The following ADAMTS13 variants were observed in gnomAD, a reference collection of about 807,000 sequenced individuals.
ADAMTS13 encodes ADAM metallopeptidase with thrombospondin type 1 motif 13, also known as A disintegrin and metalloproteinase with thrombospondin motifs 13.
A neutral mutation model predicts 155.1 loss-of-function variants in ADAMTS13; 110 were observed. That is an observed-to-expected ratio of 0.71 (90% CI 0.61 to 0.83). The LOEUF is 0.83. ADAMTS13 is among the 40% of genes least tolerant of loss of function. ADAMTS13 has a pLI of 0.00. For missense variants in ADAMTS13, 1,707 were observed against 1,891.7 expected (o/e 0.90, Z 1.81); for synonymous variants, 758 against 756.4 (o/e 1.00, Z -0.03).
Position 133,459,377 on chromosome 9 carries a change from T to C in ADAMTS13, c.*197T>C, listed in dbSNP as rs1554797324. 1 of 701,182 alleles carries C rather than the reference T, an allele frequency of 1.4e-6. No individual in the cohort carries two copies. Among genetic ancestry groups the C allele is most frequent in the South Asian group, 1.5e-5 (1 of 66,774 alleles). The allele number at this position is 701,182 out of a possible 1,614,324, so 43.4% of individuals were successfully genotyped here. A position where few individuals can be genotyped will look rare whatever the true frequency, so the allele number is the denominator to read the frequency against. ...TCCTCGGGTACCAATAAATAAAACA[T>C]GCAGGCTGACCGGCGTTTTTTTCTT... On this transcript the variant is annotated 3_prime_UTR_variant, in exon 29 of 29. Coordinates refer to ENST00000355699, the MANE Select transcript of ADAMTS13 (RefSeq NM_139027.6).
In ADAMTS13 at chr9:133,458,075, C is replaced by G. The variant is rs1194784395; in HGVS notation, c.3890C>G (p.Ala1297Gly). The G allele has an allele frequency of 6.2e-7, 1 of 1,613,204 alleles. No individual in the cohort carries two copies. Among genetic ancestry groups the G allele is most frequent in the East Asian group, 2.2e-5 (1 of 44,894 alleles). Reference sequence around the variant, plus strand: ...AACATGGGCGCTGGGACCGAGGGAGCCAATGCCAGCTACATCTTGGTGAGG... The same window carrying G: ...AACATGGGCGCTGGGACCGAGGGAGGCAATGCCAGCTACATCTTGGTGAGG... ...ATNMGAGTEG[A>G]NASYILIRDT... is the part of the protein sequence containing the mutation. Residue 1297 changes from alanine (A) to glycine (G), a missense_variant, in exon 28 of 29, where the codon GCC becomes GGC. Coordinates refer to ENST00000355699, the MANE Select transcript of ADAMTS13 (RefSeq NM_139027.6).
At position 133,442,725 on chromosome 9, in the gene ADAMTS13, T is replaced by C. The variant is rs587610691; in HGVS notation, c.2216T>C (p.Leu739Pro). The change falls in exon 18 of 29, where the codon CTC (leucine) becomes CCC (proline). Residue 739 changes from leucine (L) to proline (P), a missense_variant. Around this residue, in one of 3 missense-constraint regions of ADAMTS13, gnomAD observed 961 missense variants for 1,107.9 expected, o/e 0.87. Coordinates refer to ENST00000355699, the MANE Select transcript of ADAMTS13 (RefSeq NM_139027.6). ...CCAGCGTGGCCAGAGGCCTGCGTGC[T>C]CGAACCCTGCCCTCCCTAGTGAGTG... ...QPPAWPEACV[L>P]EPCPPYWAVG... The C allele has an allele frequency of 6.2e-7, 1 of 1,612,854 alleles. No individual in the cohort carries two copies. Among genetic ancestry groups the C allele is most frequent in the Admixed American group, 1.7e-5 (1 of 60,028 alleles).
In ADAMTS13 at chr9:133,441,968, A is replaced by G. The variant is rs603551; in HGVS notation, c.1969-431A>G. 0.099 allele frequency among the ~76,000 whole-genome samples: 15,060 copies of G among 152,048 alleles called. 809 individuals carry two copies. The highest frequency in any genetic ancestry group is 0.14 in the African/African-American group (5,883 of 41,466). ...CTCTGTGCTGCCCAAATACCCTATCATGTAACCCACCAATGACTTGGTAAT... is the reference window on the plus strand; with the variant it reads ...CTCTGTGCTGCCCAAATACCCTATCGTGTAACCCACCAATGACTTGGTAAT... On this transcript the variant is annotated intron_variant, in intron 16 of 28. Coordinates refer to ENST00000355699, the MANE Select transcript of ADAMTS13 (RefSeq NM_139027.6). The surrounding 1 kb of genome is among the most constrained non-coding windows in gnomAD (Gnocchi z 5.0).
At position 133,440,594 on chromosome 9, in the gene ADAMTS13, GTCTA is replaced by G; in HGVS notation, c.1968+72_1968+75del. The G allele has an allele frequency of 1.4e-6, 2 of 1,468,794 alleles. No homozygotes were observed. The highest frequency in any genetic ancestry group is 1.8e-6 in the Non-Finnish European group (2 of 1,097,900). The allele number at this position is 1,468,794 out of a possible 1,614,324, so 91.0% of individuals were successfully genotyped here. ...GGGGGCTATGGCTGCTTGCTCGTTT[GTCTA>G]TCCATCCATTCCCTGATTCGTTCAT... On this transcript the variant is annotated intron_variant, in intron 16 of 28. Coordinates refer to ENST00000355699, the MANE Select transcript of ADAMTS13 (RefSeq NM_139027.6). The surrounding 1 kb of genome is among the most constrained non-coding windows in gnomAD (Gnocchi z 4.3).
In ADAMTS13 at chr9:133,433,446, G is replaced by T; in HGVS notation, c.1161G>T (p.Trp387Cys). The T allele has an allele frequency of 6.2e-7, 1 of 1,613,500 alleles. No individual in the cohort carries two copies. Among genetic ancestry groups the T allele is most frequent in the African/African-American group, 1.3e-5 (1 of 75,002 alleles). The change falls in exon 10 of 29, where the codon TGG becomes TGT. Residue 387 changes from tryptophan to cysteine, a missense_variant. Physicochemically the swap from Trp to Cys is radical, Grantham distance 215 (BLOSUM62 -2). This residue lies in a region of ADAMTS13 where 733 missense variants were observed against 749.6 expected (regional missense o/e 0.98). Coordinates refer to ENST00000355699, the MANE Select transcript of ADAMTS13 (RefSeq NM_139027.6). The stretch of plus-strand genomic sequence containing the variant: ...CCATAGCAGCAGTGCATGGGCGCTG[G>T]TCTAGCTGGGGTCCCCGAAGTCCTT... ...LTPIAAVHGR[W>C]SSWGPRSPCS... is the part of the protein sequence containing the mutation.
rs1842941791 is a variant in ADAMTS13, at chr9:133,459,158, G to A, written c.4094G>A (p.Trp1365Ter). The A allele has an allele frequency of 6.2e-7, 1 of 1,611,096 alleles. No homozygotes were observed. The highest frequency in any genetic ancestry group is 8.5e-7 in the Non-Finnish European group (1 of 1,179,052). The change falls in exon 29 of 29, where the codon TGG becomes TAG. Residue 1365 changes from tryptophan to a stop codon, truncating the protein, a stop_gained. Transcript: ENST00000355699. LOFTEE classifies it high-confidence loss of function. Reference protein sequence around the residue: ...WVPEMQDPQSWKGKEGT With the variant: ...WVPEMQDPQS ...CCGGAGATGCAGGACCCTCAGTCCTGGAAGGGAAAGGAAGGAACCTGAGGG... is the reference window on the plus strand; with the variant it reads ...CCGGAGATGCAGGACCCTCAGTCCTAGAAGGGAAAGGAAGGAACCTGAGGG...
In ADAMTS13 at chr9:133,425,432, C is replaced by T; in HGVS notation, c.331-97C>T. The stretch of plus-strand genomic sequence containing the variant: ...ACACATGCTGGTGGAGTAGCCTCTC[C>T]AGCTCTTCACACTCCGGGGGCCCCT... On this transcript the variant is annotated intron_variant, in intron 3 of 28. Transcript: ENST00000355699. The surrounding 1 kb of genome is among the most constrained non-coding windows in gnomAD (Gnocchi z 4.6). 1 of 1,055,452 alleles carries T rather than the reference C, an allele frequency of 9.5e-7. No homozygotes were observed. Among genetic ancestry groups the T allele is most frequent in the Non-Finnish European group, 1.4e-6 (1 of 709,220 alleles). 65.4% of individuals were successfully genotyped at this position (1,055,452 alleles called of 1,614,324 possible).
In ADAMTS13 at chr9:133,436,820, C is replaced by G; in HGVS notation, c.1309-9C>G. 1 of 1,392,026 alleles carries G rather than the reference C, an allele frequency of 7.2e-7. No homozygotes were observed. The highest frequency in any genetic ancestry group is 9.6e-7 in the Non-Finnish European group (1 of 1,042,424). 86.2% of individuals were successfully genotyped at this position (1,392,026 alleles called of 1,614,324 possible). A position where few individuals can be genotyped will look rare whatever the true frequency, so the allele number is the denominator to read the frequency against. ...CCGCCATCCCCCTCCTCTGCCTCCTCCTGGCCAGGCCTGCGAGAAGACCCA... is the reference window on the plus strand; with the variant it reads ...CCGCCATCCCCCTCCTCTGCCTCCTGCTGGCCAGGCCTGCGAGAAGACCCA... On this transcript the variant is annotated splice_polypyrimidine_tract_variant and intron_variant, in intron 11 of 28. Transcript: ENST00000355699.
At chr9:133,443,825 G>A (rs962897736) in intron 19 of ADAMTS13, among the ~76,000 whole-genome samples, 6 of 150,572 alleles carry the variant, frequency 4.0e-5, no homozygotes, top group Non-Finnish European at 8.8e-5. Context: ...GCCTGGGGAG[G>A]GGGGGCTTCG....
Position 133,456,435 on chromosome 9 carries a change from C to T in ADAMTS13, c.3548-108C>T, listed in dbSNP as rs1842746483. The stretch of plus-strand genomic sequence containing the variant: ...GCCCAGTTACTTAGAGTCACATAGC[C>T]AGCAGTGGGAGAGGTGGGACTTGAA... On this transcript the variant is annotated intron_variant, in intron 26 of 28. Transcript: ENST00000355699. The surrounding 1 kb of genome is among the most constrained non-coding windows in gnomAD (Gnocchi z 4.4). 18 of 1,448,780 alleles carry T rather than the reference C, an allele frequency of 1.2e-5. No individual in the cohort carries two copies. The highest frequency in any genetic ancestry group is 1.7e-5 in the Non-Finnish European group (18 of 1,058,620). 89.7% of individuals were successfully genotyped at this position (1,448,780 alleles called of 1,614,324 possible).
chr9:133,432,611 CCA>C lies in ADAMTS13; in HGVS notation c.1016_1017del (p.Thr339ArgfsTer50), dbSNP rs1248475745. 3 of 1,555,146 alleles carry C rather than the reference CCA, an allele frequency of 1.9e-6. No individual in the cohort carries two copies. Among genetic ancestry groups the C allele is most frequent in the Non-Finnish European group, 2.6e-6 (3 of 1,149,042 alleles). ...HLDMCQALSC[H>X]TDPLDQSSCS... is the part of the protein sequence containing the mutation. Reference sequence around the variant, plus strand: ...AGGATATGTGCCAGGCCCTCTCCTGCCACACAGACCCGCTGGACCAAAGCAGC... The same window carrying C: ...AGGATATGTGCCAGGCCCTCTCCTGCCACAGACCCGCTGGACCAAAGCAGC... On this transcript the variant is annotated frameshift_variant, in exon 9 of 29. Transcript: ENST00000355699. LOFTEE classifies it high-confidence loss of function.
chr9:133,432,630 C>A lies in ADAMTS13; in HGVS notation c.1030C>A (p.Gln344Lys), dbSNP rs1365682424. Reference sequence around the variant, plus strand: ...CTCCTGCCACACAGACCCGCTGGACCAAAGCAGCTGCAGCCGCCTCCTCGT... The same window carrying A: ...CTCCTGCCACACAGACCCGCTGGACAAAAGCAGCTGCAGCCGCCTCCTCGT... ...ALSCHTDPLD[Q>K]SSCSRLLVPL... is the part of the protein sequence containing the mutation. The change falls in exon 9 of 29, where the codon CAA (glutamine) becomes AAA (lysine). Residue 344 changes from glutamine (Q) to lysine (K), a missense_variant. Physicochemically the swap from Gln to Lys is moderately conservative, Grantham distance 53 (BLOSUM62 1). Around this residue, in one of 3 missense-constraint regions of ADAMTS13, gnomAD observed 733 missense variants for 749.6 expected, o/e 0.98. Coordinates refer to ENST00000355699, the MANE Select transcript of ADAMTS13 (RefSeq NM_139027.6). 1.3e-6 allele frequency: 2 copies of A among 1,558,688 alleles called. No homozygotes were observed. The highest frequency in any genetic ancestry group is 1.7e-6 in the Non-Finnish European group (2 of 1,150,764).
At chr9:133,439,276 A>G (rs370013427) in intron 14 of ADAMTS13, 90 bp from the exon 15 acceptor site, 14 of 1,061,794 alleles carry the variant, frequency 1.3e-5, no homozygotes, top group Middle Eastern at 2.0e-4. Context: ...GCATTGTTCA[A>G]TTTTTCCCGA....
chr9:133,431,783 T>C (rs1052472772), intron 8 of ADAMTS13, among the ~76,000 whole-genome samples: 2 of 152,156 alleles, frequency 1.3e-5, no homozygotes, highest in Non-Finnish European at 2.9e-5. Flanking sequence ...GCCTCCCGAA[T>C]AGCTGGGACT....
At chr9:133,414,715 G>A (rs149724403) in intron 1 of ADAMTS13, 68 of 1,614,000 alleles carry the variant, frequency 4.2e-5, no homozygotes, top group Admixed American at 8.3e-5. Context: ...TCTTATGCTC[G>A]ATGTCCCCTC....
Position 133,426,081 on chromosome 9 carries a change from G to A in ADAMTS13, c.539+19G>A, listed in dbSNP as rs1156580751. 1 of 1,613,810 alleles carries A rather than the reference G, an allele frequency of 6.2e-7. No homozygotes were observed. Among genetic ancestry groups the A allele is most frequent in the Non-Finnish European group, 8.5e-7 (1 of 1,180,036 alleles). ...TCACTAGGTAGCCGAGCTTTCTGATGGGTGCTGGCCAGCCAGCCTGGGAAG... is the reference window on the plus strand; with the variant it reads ...TCACTAGGTAGCCGAGCTTTCTGATAGGTGCTGGCCAGCCAGCCTGGGAAG... On this transcript the variant is annotated intron_variant, in intron 5 of 28. Coordinates refer to ENST00000355699, the MANE Select transcript of ADAMTS13 (RefSeq NM_139027.6).
At chr9:133,421,676 C>CTT (rs1314012349), upstream of ADAMTS13, among the ~76,000 whole-genome samples, 1 of 152,152 alleles carries the variant, frequency 6.6e-6, no homozygotes, top group Non-Finnish European at 1.5e-5. Flanking sequence ...GGGGCAGAAA[C>CTT]TAACGATGCA....
In ADAMTS13 at chr9:133,443,540, AC is replaced by A; in HGVS notation, c.2404del (p.Gln802SerfsTer41). 1 of 1,563,122 alleles carries A rather than the reference AC, an allele frequency of 6.4e-7. No individual in the cohort carries two copies. The highest frequency in any genetic ancestry group is 8.6e-7 in the Non-Finnish European group (1 of 1,160,826). ...CCAGCTGTGGCGCTGGAAACCTGCAACCCCCAGCCCTGCCCTGCCAGGTGAG... is the reference window on the plus strand; with the variant it reads ...CCAGCTGTGGCGCTGGAAACCTGCAACCCCAGCCCTGCCCTGCCAGGTGAG... ...QQPAVALETC[N>X]PQPCPARWEV... On this transcript the variant is annotated frameshift_variant, in exon 19 of 29. Coordinates refer to ENST00000355699, the MANE Select transcript of ADAMTS13 (RefSeq NM_139027.6). LOFTEE classifies it high-confidence loss of function.
intron 23 of ADAMTS13, among the ~76,000 whole-genome samples, chr9:133,451,996 T>C (rs981350668): frequency 2.0e-5 from 3 of 152,068 alleles, no homozygotes; most frequent in Non-Finnish European, 2.9e-5. Context: ...AAGGATTTTT[T>C]TTTTTTTCTA....
Sources: allele counts gnomAD v4.1 joint callset (sites outside exome capture counted in the v4.1 genomes callset), GRCh38; gene constraint gnomAD v4.1.1; regional missense constraint gnomAD v4.1.1; non-coding constraint Gnocchi (gnomAD v3.1); transcripts MANE v1.5; gene names NCBI Gene and HGNC (gene_info 2026-07-23, HGNC 2026-07-21).